CRIM1: variants seen among roughly 807,000 people sequenced by gnomAD.
The protein encoded by CRIM1 is cysteine rich transmembrane BMP regulator 1, also known as cysteine-rich motor neuron 1 protein.
In CRIM1, 32 loss-of-function variants were observed where a neutral mutation model predicts 116.4. The ratio of observed to expected loss-of-function variants is 0.27; its 90% CI spans 0.21 to 0.37. The LOEUF (loss-of-function observed/expected upper bound fraction) is 0.37. Ranked by LOEUF, CRIM1 falls within the 10% of genes least tolerant of loss-of-function variation. The pLI, the probability that CRIM1 is intolerant of heterozygous loss-of-function variation, is 1.00. For synonymous variants in CRIM1, 590 were observed against 509.2 expected, an observed-to-expected ratio of 1.16 and a Z score of -2.13; for missense variants, 1,331 against 1,354.8, an observed-to-expected ratio of 0.98 and a Z score of 0.28.
At chr2:36,541,619 C>T (rs758088988) in intron 14 of CRIM1, among the ~76,000 whole-genome samples, 1 of 152,210 alleles carries the variant, frequency 6.6e-6, no homozygotes, top group Non-Finnish European at 1.5e-5. Context: ...GAAGGCAACT[C>T]TTAGAGATGA....
chr2:36,527,157 A>G (rs1256714950), intron 13 of CRIM1, among the ~76,000 whole-genome samples: 2 of 151,024 alleles, frequency 1.3e-5, no homozygotes, highest in Admixed American at 1.3e-4. Flanking sequence ...TATATAATAT[A>G]AATATTTACT....
At chr2:36,531,549 GC>G (rs1196859148) in intron 13 of CRIM1, among the ~76,000 whole-genome samples, 1 of 152,064 alleles carries the variant, frequency 6.6e-6, no homozygotes, top group African/African-American at 2.4e-5. Context: ...ATTTTCCCTA[GC>G]TGTTAATTAG....
chr2:36,386,873 T>C (rs1671205399), intron 1 of CRIM1, among the ~76,000 whole-genome samples: 1 of 152,166 alleles, frequency 6.6e-6, no homozygotes, highest in African/African-American at 2.4e-5. Flanking sequence ...CCAGTGCAGA[T>C]GAAGAGAAGT....
chr2:36,381,237 C>T (rs374238699), intron 1 of CRIM1, among the ~76,000 whole-genome samples: 22 of 152,254 alleles, frequency 1.4e-4, no homozygotes, highest in African/African-American at 5.1e-4. Flanking sequence ...AGGAAGGACT[C>T]GGGGGAGGGG....
At chr2:36,546,692 A>G (rs1667355811) in intron 15 of CRIM1, among the ~76,000 whole-genome samples, 1 of 151,414 alleles carries the variant, frequency 6.6e-6, no homozygotes. Flanking sequence ...AAATCTACCT[A>G]AGCACCTTCT....
At chr2:36,426,769 T>C (rs538122273) in intron 2 of CRIM1, among the ~76,000 whole-genome samples, 1 of 152,212 alleles carries the variant, frequency 6.6e-6, no homozygotes, top group Non-Finnish European at 1.5e-5. Flanking sequence ...GCTCCTTTTT[T>C]GTATGTGTAG....
intron 13 of CRIM1, among the ~76,000 whole-genome samples, chr2:36,525,731 C>T (rs938887795): frequency 1.3e-5 from 2 of 152,120 alleles, no homozygotes; most frequent in Admixed American, 1.3e-4. Context: ...TAGGGCTCTT[C>T]CATGGATGAA....
At chr2:36,439,763 C>T (rs1015119427) in intron 2 of CRIM1, among the ~76,000 whole-genome samples, 1 of 152,206 alleles carries the variant, frequency 6.6e-6, no homozygotes, top group Non-Finnish European at 1.5e-5. Context: ...CCAATTCCCT[C>T]TTACTCTGTT....
chr2:36,511,090 C>T (rs576095533), intron 9 of CRIM1, among the ~76,000 whole-genome samples: 17 of 151,972 alleles, frequency 1.1e-4, no homozygotes, highest in African/African-American at 3.6e-4. Context: ...TAGAGGCATG[C>T]GCCACCATGC....
intron 7 of CRIM1, among the ~76,000 whole-genome samples, chr2:36,495,475 A>ATTTTTTTTTTT (rs1024205619): frequency 2.3e-5 from 3 of 129,634 alleles, no homozygotes; most frequent in Admixed American, 8.1e-5. Flanking sequence ...TTATTTATTT[A>ATTTTTTTTTTT]TTTTTTTTTT....
At chr2:36,387,212 A>T (rs1294877232) in intron 1 of CRIM1, among the ~76,000 whole-genome samples, 2 of 152,240 alleles carry the variant, frequency 1.3e-5, no homozygotes, top group Non-Finnish European at 2.9e-5. Context: ...TGAACCAGGT[A>T]TGTAAGAGAC....
rs770508337 is a variant in CRIM1 at position 36,476,960 on chromosome 2, C to T, written c.1063C>T (p.Arg355Trp). The change falls in exon 6 of 17, where the codon CGG (arginine) becomes TGG (tryptophan). Residue 355 changes from arginine (R) to tryptophan (W), a missense_variant. Around this residue, in one of 3 missense-constraint regions of CRIM1, gnomAD observed 690 missense variants for 676.0 expected, o/e 1.02. Transcript: ENST00000280527. ...AGACATGTTTCGAATGGACAACTGT[C>T]GGTTCTGTCGATGCCAAGGGGGCGT... ...DGDMFRMDNCRFCRCQGGVAI... is the reference protein window; with the variant it reads ...DGDMFRMDNCWFCRCQGGVAI... 17 of 1,613,798 alleles carry T rather than the reference C, an allele frequency of 1.1e-5. No individual in the cohort carries two copies. The highest frequency in any genetic ancestry group is 1.7e-5 in the Admixed American group (1 of 59,990).
At chr2:36,430,600 G>A (rs751226194) in intron 2 of CRIM1, among the ~76,000 whole-genome samples, 2 of 152,164 alleles carry the variant, frequency 1.3e-5, no homozygotes, top group African/African-American at 2.4e-5. Context: ...GCATAGAAAC[G>A]CGGGGCTCCA....
intron 1 of CRIM1, among the ~76,000 whole-genome samples, chr2:36,374,431 A>C (rs1386351755): frequency 1.3e-5 from 2 of 152,106 alleles, no homozygotes; most frequent in African/African-American, 4.8e-5. Context: ...TCTTGTTCCA[A>C]ACACAAAAAC....
intron 4 of CRIM1, among the ~76,000 whole-genome samples, chr2:36,451,975 C>T (rs1216765688): frequency 6.6e-6 from 1 of 152,158 alleles, no homozygotes; most frequent in Non-Finnish European, 1.5e-5. Flanking sequence ...TTATATCATG[C>T]CTACTCAAGC....
At chr2:36,476,692 G>T (rs1397484537) in intron 5 of CRIM1, among the ~76,000 whole-genome samples, 197 bp from the exon 6 acceptor site, 2 of 152,146 alleles carry the variant, frequency 1.3e-5, no homozygotes, top group Non-Finnish European at 2.9e-5. Context: ...GTGTAAACTG[G>T]ATAACAGTGT....
At position 36,399,294 on chromosome 2, in the gene CRIM1, T is replaced by C. The variant is rs545356364; in HGVS notation, c.505+2507T>C. On this transcript the variant is annotated intron_variant, in intron 2 of 16. Coordinates refer to ENST00000280527, the MANE Select transcript of CRIM1 (RefSeq NM_016441.3). Reference sequence around the variant, plus strand: ...GAAGTCAACATTAGGCAGACTTTGGTTGTGGTGGAATGCAAACTGGATTAG... The same window carrying C: ...GAAGTCAACATTAGGCAGACTTTGGCTGTGGTGGAATGCAAACTGGATTAG... 3.3e-3 allele frequency among the ~76,000 whole-genome samples: 503 copies of C among 152,216 alleles called. 2 individuals are homozygous for C. Among genetic ancestry groups the C allele is most frequent in the Non-Finnish European group, 5.2e-3 (353 of 68,004 alleles).
Position 36,522,114 on chromosome 2 carries a change from G to T in CRIM1, c.2229G>T (p.Leu743Phe), listed in dbSNP as rs1353756176. 1.2e-6 allele frequency: 2 copies of T among 1,614,110 alleles called. No homozygotes were observed. Among genetic ancestry groups the T allele is most frequent in the African/African-American group, 2.7e-5 (2 of 75,036 alleles). Residue 743 changes from leucine to phenylalanine, a missense_variant, in exon 13 of 17, where the codon TTG (leucine) becomes TTT (phenylalanine). Leu to Phe is a conservative substitution (Grantham distance 22). Transcript: ENST00000280527. ...QCTDQPFRPS[L>F]SRNNSVPNYC... ...CAGATCAACCTTTTCGGCCTTCCTT[G>T]TCCCGCAATAACAGCGTACCTAATT...
chr2:36,538,951 AAG>A (rs1239904689), intron 14 of CRIM1, among the ~76,000 whole-genome samples: 1 of 152,248 alleles, frequency 6.6e-6, no homozygotes, highest in Non-Finnish European at 1.5e-5. Context: ...TTATTTCACG[AAG>A]AGTCATTTAA....
Sources: allele counts gnomAD v4.1 joint callset (sites outside exome capture counted in the v4.1 genomes callset), GRCh38; gene constraint gnomAD v4.1.1; regional missense constraint gnomAD v4.1.1; transcripts MANE v1.5; gene names NCBI Gene and HGNC (gene_info 2026-07-23, HGNC 2026-07-21).